SUGCT: variants seen among roughly 807,000 people sequenced by gnomAD.
The protein encoded by SUGCT is succinyl-CoA:glutarate-CoA transferase.
In SUGCT, 41 loss-of-function variants were observed where a neutral mutation model predicts 55.0. The ratio of observed to expected loss-of-function variants is 0.74; its 90% CI spans 0.58 to 0.97. The LOEUF is 0.97. Ranked by LOEUF, SUGCT falls within the 50% of genes least tolerant of loss-of-function variation. The probability of loss-of-function intolerance (pLI) is 0.00; values close to 1 mark genes in which losing one functional copy is unlikely to be tolerated. For synonymous variants in SUGCT, 187 were observed against 200.4 expected (o/e 0.93, Z 0.56); for missense variants, 568 against 547.8 (o/e 1.04, Z -0.37).
chr7:40,946,419 GC>G, the SUGCT span, among the ~76,000 whole-genome samples: 4 of 152,134 alleles, frequency 2.6e-5, no homozygotes, highest in Non-Finnish European at 4.4e-5. Flanking sequence ...CCGTTCTCTA[GC>G]CACTGGGGTA....
chr7:40,258,159 C>T (rs1328655459), intron 7 of SUGCT, among the ~76,000 whole-genome samples: 1 of 152,154 alleles, frequency 6.6e-6, no homozygotes, highest in Non-Finnish European at 1.5e-5. Flanking sequence ...CTTTTCTCTC[C>T]TCTGCCATGT....
chr7:40,799,649 A>T (rs1430156149), intron 13 of SUGCT, among the ~76,000 whole-genome samples: 1 of 152,216 alleles, frequency 6.6e-6, no homozygotes, highest in Non-Finnish European at 1.5e-5. Flanking sequence ...GGAAAAAAGA[A>T]AAAGAAAAGA....
At chr7:40,918,009 G>T in the SUGCT span, among the ~76,000 whole-genome samples, 3 of 152,276 alleles carry the variant, frequency 2.0e-5, no homozygotes, top group Admixed American at 2.0e-4. Context: ...AGATATAGGA[G>T]GGCAGGCACT....
At chr7:40,878,952 C>T in the SUGCT span, among the ~76,000 whole-genome samples, 1 of 152,060 alleles carries the variant, frequency 6.6e-6, no homozygotes, top group Non-Finnish European at 1.5e-5. Flanking sequence ...CGCCACCACG[C>T]CCGGCTAATT....
the SUGCT span, among the ~76,000 whole-genome samples, chr7:40,999,307 T>A: frequency 6.6e-6 from 1 of 151,954 alleles, no homozygotes. Flanking sequence ...TTGACAAACA[T>A]CAGCCTTGGG....
intron 13 of SUGCT, among the ~76,000 whole-genome samples, chr7:40,843,566 C>T (rs145961324): frequency 1.2e-3 from 175 of 150,180 alleles, no homozygotes; most frequent in African/African-American, 4.0e-3. Flanking sequence ...ATGTGAAGGA[C>T]GTGAGGGAAT....
At chr7:40,990,832 A>C in the SUGCT span, among the ~76,000 whole-genome samples, 1 of 152,234 alleles carries the variant, frequency 6.6e-6, no homozygotes, top group South Asian at 2.1e-4. Context: ...CTAGCTTCAA[A>C]TTTTTCTTCT....
At chr7:40,348,225 G>A (rs771702346) in intron 9 of SUGCT, among the ~76,000 whole-genome samples, 2 of 152,194 alleles carry the variant, frequency 1.3e-5, no homozygotes, top group South Asian at 2.1e-4. Flanking sequence ...TGGGGTGGGC[G>A]GTGTGGTTAG....
intron 8 of SUGCT, among the ~76,000 whole-genome samples, chr7:40,279,871 T>G: frequency 6.6e-6 from 1 of 152,298 alleles, no homozygotes. Context: ...GTATTCTTTT[T>G]AATATAAATG....
intron 12 of SUGCT, among the ~76,000 whole-genome samples, chr7:40,623,452 AT>A (rs554869324): frequency 1.1e-3 from 164 of 151,868 alleles, no homozygotes; most frequent in African/African-American, 3.6e-3. Context: ...TTTCTCTCTC[AT>A]TTTTCTGTAT....
At chr7:40,542,770 G>A (rs1256106081) in intron 12 of SUGCT, among the ~76,000 whole-genome samples, 3 of 152,122 alleles carry the variant, frequency 2.0e-5, no homozygotes, top group Non-Finnish European at 4.4e-5. Context: ...TGGGCCTTTC[G>A]ACTGCAAAGA....
At chr7:40,531,781 C>G (rs953172336) in intron 12 of SUGCT, among the ~76,000 whole-genome samples, 1 of 152,034 alleles carries the variant, frequency 6.6e-6, no homozygotes, top group Non-Finnish European at 1.5e-5. Context: ...TCCCGCCATT[C>G]TTCTGGCTCA....
intron 9 of SUGCT, among the ~76,000 whole-genome samples, chr7:40,358,170 G>A (rs57393082): frequency 0.015 from 2,293 of 152,316 alleles, 51 homozygotes; most frequent in South Asian, 0.059. Flanking sequence ...TACACAATAT[G>A]TGGGAGCTTA....
At chr7:40,319,175 T>G (rs889390192) in intron 9 of SUGCT, among the ~76,000 whole-genome samples, 2 of 152,220 alleles carry the variant, frequency 1.3e-5, no homozygotes, top group African/African-American at 4.8e-5. Context: ...TTTAGTTGAT[T>G]GCAGCTGTAT....
the SUGCT span, among the ~76,000 whole-genome samples, chr7:40,961,143 G>A: frequency 4.6e-5 from 7 of 152,288 alleles, no homozygotes; most frequent in Non-Finnish European, 1.0e-4. Context: ...CCTGATAAAA[G>A]TTACTTTAAA....
At chr7:40,147,396 C>T (rs911422322) in intron 1 of SUGCT, among the ~76,000 whole-genome samples, 1 of 152,184 alleles carries the variant, frequency 6.6e-6, no homozygotes, top group Non-Finnish European at 1.5e-5. Context: ...CTCTTTTTAA[C>T]CTCCAAGCAT....
At chr7:40,542,153 T>G (rs1278979513) in intron 12 of SUGCT, among the ~76,000 whole-genome samples, 1 of 152,250 alleles carries the variant, frequency 6.6e-6, no homozygotes, top group African/African-American at 2.4e-5. Flanking sequence ...TTTAGCACTA[T>G]GTGTCAGGCA....
At chr7:40,746,102 T>G (rs977482238) in intron 12 of SUGCT, among the ~76,000 whole-genome samples, 1 of 152,180 alleles carries the variant, frequency 6.6e-6, no homozygotes, top group African/African-American at 2.4e-5. Context: ...TTTAATCATG[T>G]GGCAAAGTTA....
chr7:40,911,983 C>G, the SUGCT span, among the ~76,000 whole-genome samples: 4 of 152,114 alleles, frequency 2.6e-5, no homozygotes, highest in Non-Finnish European at 5.9e-5. Context: ...AATTTAAGGT[C>G]TGTTGGTATT....
Sources: gnomAD v4.1 joint callset for allele counts (sites outside exome capture counted in the v4.1 genomes callset) on GRCh38, gnomAD v4.1.1 for gene constraint, MANE v1.5 for transcripts, NCBI Gene and HGNC (gene_info 2026-07-23, HGNC 2026-07-21) for gene names.